The following ARHGEF7 variants were observed in gnomAD, a reference collection of about 807,000 sequenced individuals.
ARHGEF7 encodes the protein PAK-interacting exchange factor beta.
ARHGEF7 carries 33 observed loss-of-function variants against 109.8 expected under a neutral mutation model. The observed-to-expected ratio is 0.30, with a 90% confidence interval of 0.23 to 0.40. The LOEUF (loss-of-function observed/expected upper bound fraction) is 0.40, where lower values mean the gene tolerates loss of function less well. Ranked by LOEUF, ARHGEF7 falls within the 10% of genes least tolerant of loss-of-function variation. ARHGEF7 has a pLI of 1.00. For synonymous variants in ARHGEF7, 458 were observed against 424.6 expected, an observed-to-expected ratio of 1.08 and a Z score of -0.97; for missense variants, 938 against 1,098.5, an observed-to-expected ratio of 0.85 and a Z score of 2.07.
intron 4 of ARHGEF7, among the ~76,000 whole-genome samples, chr13:111,210,399 G>A (rs923795236): frequency 6.6e-6 from 1 of 152,204 alleles, no homozygotes; most frequent in Non-Finnish European, 1.5e-5. Flanking sequence ...TAAAACTAAA[G>A]AATCTGGCCT....
intron 5 of ARHGEF7, among the ~76,000 whole-genome samples, chr13:111,222,595 A>G (rs901583412): frequency 6.6e-6 from 1 of 151,870 alleles, no homozygotes; most frequent in Non-Finnish European, 1.5e-5. Flanking sequence ...ATGCCTGGCT[A>G]ATTTTTGTAT....
At chr13:111,182,428 A>T (rs1000344815) in intron 2 of ARHGEF7, 1 of 152,370 alleles carries the variant, frequency 6.6e-6, no homozygotes, top group Non-Finnish European at 1.5e-5. Context: ...GTGTGACTCC[A>T]TCCGCCTTTA....
At chr13:111,170,187 T>A (rs1767466566) in intron 2 of ARHGEF7, among the ~76,000 whole-genome samples, 1 of 152,200 alleles carries the variant, frequency 6.6e-6, no homozygotes, top group South Asian at 2.1e-4. Context: ...AACCTCTGCC[T>A]CCTGGGATCA....
In ARHGEF7 at chr13:111,229,518, T is replaced by A. The variant is rs139174382; in HGVS notation, c.671-3687T>A. On this transcript the variant is annotated intron_variant, in intron 5 of 21. Coordinates refer to ENST00000646102, the MANE Select transcript of ARHGEF7 (RefSeq NM_001354046.2). ...CGTCGTGATTGGTCCTAATTGCGTA[T>A]CTCTCCTGTCATTTTAAACGACAGA... Among the ~76,000 whole-genome samples the A allele has an allele frequency of 1.8e-4, 27 of 152,316 alleles. No homozygotes were observed. In the East Asian group the frequency reaches 5.0e-3, roughly 28 times the overall value.
intron 18 of ARHGEF7, among the ~76,000 whole-genome samples, chr13:111,289,954 T>A (rs1267474569): frequency 6.6e-6 from 1 of 152,078 alleles, no homozygotes; most frequent in African/African-American, 2.4e-5. Context: ...AGGAGAGAAA[T>A]AGAGAAACGG....
intron 2 of ARHGEF7, among the ~76,000 whole-genome samples, chr13:111,162,439 C>G (rs561536117): frequency 6.6e-6 from 1 of 152,186 alleles, no homozygotes. Context: ...AGTAACCTTG[C>G]ATGGCACTGG....
At chr13:111,122,135 G>C (rs1230175525) in intron 1 of ARHGEF7, among the ~76,000 whole-genome samples, 1 of 152,228 alleles carries the variant, frequency 6.6e-6, no homozygotes, top group Non-Finnish European at 1.5e-5. Context: ...CATTGTCTGG[G>C]TTGGTGGGCC....
intron 4 of ARHGEF7, among the ~76,000 whole-genome samples, chr13:111,213,049 A>G (rs2082686115): frequency 6.6e-6 from 1 of 152,232 alleles, no homozygotes; most frequent in African/African-American, 2.4e-5. Flanking sequence ...AGGAAATTAT[A>G]GGTGCTCTTA....
intron 3 of ARHGEF7, among the ~76,000 whole-genome samples, chr13:111,206,236 G>C (rs866759440): frequency 1.3e-4 from 19 of 151,858 alleles, no homozygotes; most frequent in East Asian, 1.9e-4. Context: ...CCTTCAGAGG[G>C]GGGGGTGTAC....
intron 2 of ARHGEF7, among the ~76,000 whole-genome samples, chr13:111,179,325 C>G (rs1177441209): frequency 6.6e-6 from 1 of 152,104 alleles, no homozygotes; most frequent in African/African-American, 2.4e-5. Flanking sequence ...CTCAGGTGAT[C>G]CTCCCGCCTT....
intron 2 of ARHGEF7, among the ~76,000 whole-genome samples, chr13:111,200,178 C>T (rs915749298): frequency 2.0e-5 from 3 of 152,080 alleles, no homozygotes; most frequent in African/African-American, 7.2e-5. Flanking sequence ...CAGCCTTGGG[C>T]TGCGGCCTCT....
chr13:111,221,705 A>C (rs544822509), intron 5 of ARHGEF7, among the ~76,000 whole-genome samples: 1 of 106,978 alleles, frequency 9.3e-6, no homozygotes, highest in African/African-American at 3.2e-5. Flanking sequence ...TGATATATCT[A>C]TCTGTATCTA....
chr13:111,182,126 G>A (rs909564029), intron 2 of ARHGEF7: 1 of 152,180 alleles, frequency 6.6e-6, no homozygotes, highest in Non-Finnish European at 1.5e-5. Flanking sequence ...CCAGGAGGGT[G>A]AGAACACCGC....
chr13:111,228,719 G>C lies in ARHGEF7; in HGVS notation c.671-4486G>C, dbSNP rs972693719. On this transcript the variant is annotated intron_variant, in intron 5 of 21. Transcript: ENST00000646102. The surrounding 1 kb of genome is among the most constrained non-coding windows in gnomAD (Gnocchi z 4.6). ...GCGGCAGGCAGACACTGCTGAGCAC[G>C]GGCAGACACACACAGACATTGACTC... is the stretch of plus-strand genomic sequence containing the variant. Among the ~76,000 whole-genome samples the C allele has an allele frequency of 2.0e-5, 3 of 152,040 alleles. No homozygotes were observed. Among genetic ancestry groups the C allele is most frequent in the African/African-American group, 7.2e-5 (3 of 41,392 alleles).
At chr13:111,205,509 GT>G in intron 3 of ARHGEF7, 136 bp downstream of exon 3, 2 of 579,516 alleles carry the variant, frequency 3.5e-6, no homozygotes, top group South Asian at 5.4e-5. Context: ...CGTTTTGATT[GT>G]TCCTTTTGCT....
chr13:111,159,743 T>A (rs1409948356), intron 2 of ARHGEF7, among the ~76,000 whole-genome samples: 1 of 152,256 alleles, frequency 6.6e-6, no homozygotes, highest in African/African-American at 2.4e-5. Context: ...ACTGAGTTTT[T>A]AAATATATTT....
At chr13:111,199,190 G>A (rs1243792111) in intron 2 of ARHGEF7, among the ~76,000 whole-genome samples, 1 of 152,202 alleles carries the variant, frequency 6.6e-6, no homozygotes, top group Non-Finnish European at 1.5e-5. Context: ...CACTGGGCTG[G>A]ATGTAGACTC....
At chr13:111,215,790 T>A (rs759311571) in intron 4 of ARHGEF7, among the ~76,000 whole-genome samples, 3 of 152,200 alleles carry the variant, frequency 2.0e-5, no homozygotes, top group Non-Finnish European at 4.4e-5. Context: ...TACTTGAATC[T>A]CTCTTGGTTG....
rs145661472 is a variant in ARHGEF7 at position 111,228,064 on chromosome 13, A to T, written c.671-5141A>T. On this transcript the variant is annotated intron_variant, in intron 5 of 21. Transcript: ENST00000646102. The surrounding 1 kb of genome is among the most constrained non-coding windows in gnomAD (Gnocchi z 4.6). Reference sequence around the variant, plus strand: ...AACCAAGAGTGTCTTCCCAGAAGTTATGAAGCACATCTGAGGTGTCCTGCA... The same window carrying T: ...AACCAAGAGTGTCTTCCCAGAAGTTTTGAAGCACATCTGAGGTGTCCTGCA... Among the ~76,000 whole-genome samples, 8 of 152,336 alleles carry T rather than the reference A, an allele frequency of 5.3e-5. No individual in the cohort carries two copies. In the East Asian group the frequency reaches 1.5e-3, roughly 29 times the overall value.
Sources: gnomAD v4.1 joint callset for allele counts (sites outside exome capture counted in the v4.1 genomes callset) on GRCh38, gnomAD v4.1.1 for gene constraint, Gnocchi (gnomAD v3.1) non-coding constraint, MANE v1.5 for transcripts, NCBI Gene and HGNC (gene_info 2026-07-23, HGNC 2026-07-21) for gene names.